The following EDARADD variants were observed in gnomAD, a reference collection of about 807,000 sequenced individuals.
The protein encoded by EDARADD is ectodysplasin-A receptor-associated adapter protein.
A neutral mutation model predicts 25.6 loss-of-function variants in EDARADD; 20 were observed. That is an observed-to-expected ratio of 0.78 (90% CI 0.55 to 1.14). The LOEUF (loss-of-function observed/expected upper bound fraction) is 1.14. Among genes scored for constraint, EDARADD ranks in the 50% most tolerant of loss-of-function variants. EDARADD has a pLI of 0.00. For synonymous variants in EDARADD, 86 were observed against 94.4 expected (o/e 0.91, Z 0.52); for missense variants, 225 against 270.1 (o/e 0.83, Z 1.17).
rs887091597 is a variant in EDARADD at position 236,483,797 on chromosome 1, C to T, written c.*1148C>T. The T allele has an allele frequency of 4.1e-5, 60 of 1,445,966 alleles. 1 individual carries two copies. In the East Asian group the frequency reaches 8.2e-4, roughly 20 times the overall value. The allele number at this position is 1,445,966 out of a possible 1,614,324, so 89.6% of individuals were successfully genotyped here. On this transcript the variant is annotated 3_prime_UTR_variant, in exon 6 of 6. Transcript: ENST00000334232. Reference sequence around the variant, plus strand: ...ATGCCACCGGTGTGGGGGATGGAGGCGCGTTTGCTCCCAACATCCTGGAGA... The same window carrying T: ...ATGCCACCGGTGTGGGGGATGGAGGTGCGTTTGCTCCCAACATCCTGGAGA...
rs974422755 is a variant in EDARADD at position 236,433,899 on chromosome 1, C to CA, written c.219+6460dup. On this transcript the variant is annotated intron_variant, in intron 4 of 5. Coordinates refer to ENST00000334232, the MANE Select transcript of EDARADD (RefSeq NM_145861.4). Reference sequence around the variant, plus strand: ...ATCAAAAACAAACAAACAAAAAAAACAAAAAAAAAAACCCTGCAAATAATT... The same window carrying CA: ...ATCAAAAACAAACAAACAAAAAAAACAAAAAAAAAAAACCCTGCAAATAATT... Among the ~76,000 whole-genome samples, 313 of 127,070 alleles carry CA rather than the reference C, an allele frequency of 2.5e-3. 2 individuals are homozygous for CA. The highest frequency in any genetic ancestry group is 5.1e-3 in the African/African-American group (180 of 35,508). The allele number at this position is 127,070 out of a possible 152,430, so 83.4% of individuals were successfully genotyped here. A position where few individuals can be genotyped will look rare whatever the true frequency, so the allele number is the denominator to read the frequency against.
intron 3 of EDARADD, among the ~76,000 whole-genome samples, chr1:236,355,083 C>G (rs1164210685): frequency 1.3e-5 from 2 of 152,174 alleles, no homozygotes; most frequent in Admixed American, 6.5e-5. Context: ...TCACAAAGCT[C>G]TCCTTTCTAC....
upstream of EDARADD, among the ~76,000 whole-genome samples, chr1:236,392,996 G>T (rs1019818847): frequency 1.3e-5 from 2 of 152,100 alleles, no homozygotes; most frequent in Non-Finnish European, 2.9e-5. Context: ...TGTTGCATAG[G>T]CTGGTCTTGA....
In EDARADD at chr1:236,483,912, G is replaced by C; in HGVS notation, c.*1263G>C. ...CGTCAGCATGGACGTAGAGGCCTCC[G>C]AGTTCTTCAGGTCTGGAAAGTATGA... On this transcript the variant is annotated 3_prime_UTR_variant, in exon 6 of 6. Transcript: ENST00000334232. The C allele has an allele frequency of 5.8e-6, 8 of 1,375,586 alleles. No individual in the cohort carries two copies. The highest frequency in any genetic ancestry group is 8.3e-6 in the Non-Finnish European group (8 of 965,360). The allele number at this position is 1,375,586 out of a possible 1,614,324, so 85.2% of individuals were successfully genotyped here. A position where few individuals can be genotyped will look rare whatever the true frequency, so the allele number is the denominator to read the frequency against.
rs990453333 is a variant in EDARADD at position 236,375,592 on chromosome 1, G to A, written c.-6+24753G>A. On this transcript the variant is annotated intron_variant, in intron 3 of 7. Coordinates refer to the EDARADD transcript ENST00000439430. Reference sequence around the variant, plus strand: ...AATCGCTTGAACCCAGGAGGTGGAGGTTGAAATTTGCTGAGATCATGCCAC... The same window carrying A: ...AATCGCTTGAACCCAGGAGGTGGAGATTGAAATTTGCTGAGATCATGCCAC... Among the ~76,000 whole-genome samples the A allele has an allele frequency of 5.5e-5, 8 of 145,430 alleles. No homozygotes were observed. In the Middle Eastern group the frequency reaches 0.011, roughly 199 times the overall value.
At chr1:236,480,504 T>A (rs1338362329) in intron 5 of EDARADD, among the ~76,000 whole-genome samples, 2 of 152,102 alleles carry the variant, frequency 1.3e-5, no homozygotes, top group South Asian at 4.1e-4. Context: ...TCCACTTGCC[T>A]CAATATTGCT....
Position 236,395,468 on chromosome 1 carries a change from A to G in EDARADD, c.61+963A>G, listed in dbSNP as rs1667498046. On this transcript the variant is annotated intron_variant, in intron 1 of 5. Coordinates refer to ENST00000334232, the MANE Select transcript of EDARADD (RefSeq NM_145861.4). The surrounding 1 kb of genome is among the most constrained non-coding windows in gnomAD (Gnocchi z 6.9). ...GGAAGAAGCGAAGGAGGAGAAGAAG[A>G]AGGGAGGGGAAGGCGGAGGAGGGCA... 1.3e-6 allele frequency: 2 copies of G among 1,497,424 alleles called. No homozygotes were observed. The highest frequency in any genetic ancestry group is 2.0e-4 in the Middle Eastern group (1 of 5,060). 92.8% of individuals were successfully genotyped at this position (1,497,424 alleles called of 1,614,324 possible). A position where few individuals can be genotyped will look rare whatever the true frequency, so the allele number is the denominator to read the frequency against.
At position 236,446,312 on chromosome 1, in the gene EDARADD, G is replaced by T. The variant is rs1003527983; in HGVS notation, c.219+18862G>T. Among the ~76,000 whole-genome samples, 14 of 152,234 alleles carry T rather than the reference G, an allele frequency of 9.2e-5. No homozygotes were observed. The South Asian group carries it at 2.5e-3, about 27-fold the overall frequency. ...ATAACATAGATTAGAAAGTCATAAG[G>T]AGGCCGAGGCAGGTGGATCACAAGG... On this transcript the variant is annotated intron_variant, in intron 4 of 5. Transcript: ENST00000334232.
chr1:236,431,112 CT>C (rs1391640556), intron 4 of EDARADD, among the ~76,000 whole-genome samples: 1 of 129,146 alleles, frequency 7.7e-6, no homozygotes, highest in African/African-American at 2.5e-5. Context: ...GAGACCCTGT[CT>C]TAAAATAAAT....
intron 1 of EDARADD, among the ~76,000 whole-genome samples, chr1:236,396,322 C>T (rs1008398479): frequency 7.2e-5 from 11 of 152,140 alleles, no homozygotes; most frequent in African/African-American, 2.7e-4. Context: ...TCCCAGACCT[C>T]GCTTTCCTGG....
At position 236,482,773 on chromosome 1, in the gene EDARADD, C is replaced by T. The variant is rs1203531697; in HGVS notation, c.*124C>T. The T allele has an allele frequency of 2.1e-6, 3 of 1,461,462 alleles. No individual in the cohort carries two copies. The highest frequency in any genetic ancestry group is 2.8e-6 in the Non-Finnish European group (3 of 1,069,340). 90.5% of individuals were successfully genotyped at this position (1,461,462 alleles called of 1,614,324 possible). On this transcript the variant is annotated 3_prime_UTR_variant, in exon 6 of 6. Coordinates refer to ENST00000334232, the MANE Select transcript of EDARADD (RefSeq NM_145861.4). ...ACGTGGAACAGTGGACACTGGTTTT[C>T]CCCAAAGCTGGCAGTTTTGTGGAGG...
At chr1:236,421,222 T>C (rs1001313253) in intron 3 of EDARADD, among the ~76,000 whole-genome samples, 1 of 146,090 alleles carries the variant, frequency 6.8e-6, no homozygotes, top group Non-Finnish European at 1.5e-5. Flanking sequence ...CACATGGAGG[T>C]TGCACTTAGG....
chr1:236,419,496 G>T (rs1457931548), intron 3 of EDARADD, among the ~76,000 whole-genome samples: 2 of 152,188 alleles, frequency 1.3e-5, no homozygotes, highest in African/African-American at 2.4e-5. Flanking sequence ...ACATTGTGGG[G>T]ATGACTGTGA....
chr1:236,445,834 A>G (rs970402047), intron 4 of EDARADD, among the ~76,000 whole-genome samples: 2 of 152,162 alleles, frequency 1.3e-5, no homozygotes, highest in African/African-American at 4.8e-5. Context: ...AGAAGAACGA[A>G]GGTGGGAGCC....
At chr1:236,401,046 A>G (rs941683943) in intron 1 of EDARADD, among the ~76,000 whole-genome samples, 2 of 151,990 alleles carry the variant, frequency 1.3e-5, no homozygotes, top group Admixed American at 6.6e-5. Context: ...AAAAATACAA[A>G]AATTAGCTGG....
intron 3 of EDARADD, among the ~76,000 whole-genome samples, chr1:236,353,612 A>G (rs1666943428): frequency 7.1e-6 from 1 of 141,416 alleles, no homozygotes; most frequent in South Asian, 2.4e-4. Context: ...CGGGAGGCGG[A>G]GGTTGCAGTG....
chr1:236,441,408 T>C (rs1658395427), intron 4 of EDARADD, among the ~76,000 whole-genome samples: 1 of 145,038 alleles, frequency 6.9e-6, no homozygotes. Context: ...GAGATATATA[T>C]AGAAGAAAGC....
intron 4 of EDARADD, among the ~76,000 whole-genome samples, chr1:236,439,464 C>T (rs1157744732): frequency 6.6e-6 from 1 of 152,206 alleles, no homozygotes; most frequent in Admixed American, 6.5e-5. Context: ...TGCATTCCCA[C>T]CCAGCAATGG....
intron 3 of EDARADD, among the ~76,000 whole-genome samples, chr1:236,353,189 A>ACAGACCTGGG (rs774012624): frequency 9.2e-5 from 14 of 152,108 alleles, no homozygotes; most frequent in Non-Finnish European, 1.9e-4. Context: ...CTCATCCCCC[A>ACAGACCTGGG]CAGACCTGGG....
Sources: allele counts gnomAD v4.1 joint callset (sites outside exome capture counted in the v4.1 genomes callset), GRCh38; gene constraint gnomAD v4.1.1; non-coding constraint Gnocchi (gnomAD v3.1); transcripts MANE v1.5; gene names NCBI Gene and HGNC (gene_info 2026-07-23, HGNC 2026-07-21).